The following CORO1C variants were observed in gnomAD, a reference collection of about 807,000 sequenced individuals.
CORO1C encodes coronin-1C.
A neutral mutation model predicts 51.2 loss-of-function variants in CORO1C; 14 were observed. The ratio of observed to expected loss-of-function variants is 0.27; its 90% confidence interval spans 0.18 to 0.43. The LOEUF (loss-of-function observed/expected upper bound fraction) is 0.43. CORO1C is among the 20% of genes least tolerant of loss of function. The pLI is 1.00. For missense variants in CORO1C, 417 were observed against 607.8 expected, an observed-to-expected ratio of 0.69 and a Z score of 3.30; for synonymous variants, 181 against 210.5, an observed-to-expected ratio of 0.86 and a Z score of 1.21.
At chr12:108,659,039 A>ATCTT in intron 4 of CORO1C, 120 bp from the exon 5 acceptor site, 2 of 1,053,606 alleles carry the variant, frequency 1.9e-6, no homozygotes, top group South Asian at 5.7e-5. Context: ...AGAGAGAAAG[A>ATCTT]GAGAGAGAGA....
Position 108,693,088 on chromosome 12 carries a change from G to A in CORO1C, c.195+8036C>T, listed in dbSNP as rs140304744. ...GCTGGAATTACAAGCTTGAGCCACC[G>A]CGCCCGGCTAAACCACAGATTCTAT... is the stretch of plus-strand genomic sequence containing the variant. On this transcript the variant is annotated intron_variant, in intron 2 of 10. Coordinates refer to ENST00000261401, the MANE Select transcript of CORO1C (RefSeq NM_014325.4). Among the ~76,000 whole-genome samples the A allele has an allele frequency of 5.9e-5, 9 of 151,982 alleles. No individual in the cohort carries two copies. The East Asian group carries it at 1.7e-3, about 29-fold the overall frequency.
At chr12:108,697,393 G>A (rs887924282) in intron 2 of CORO1C, among the ~76,000 whole-genome samples, 2 of 152,172 alleles carry the variant, frequency 1.3e-5, no homozygotes, top group African/African-American at 2.4e-5. Context: ...TTTAAGGTTC[G>A]TGTTTAAAAT....
At chr12:108,717,257 T>A (rs1297837319) in intron 1 of CORO1C, among the ~76,000 whole-genome samples, 1 of 152,230 alleles carries the variant, frequency 6.6e-6, no homozygotes, top group Non-Finnish European at 1.5e-5. Context: ...TCTGGACTAC[T>A]TAGCCCACAG....
At chr12:108,655,560 T>C (rs2032921081) in intron 6 of CORO1C, among the ~76,000 whole-genome samples, 1 of 152,262 alleles carries the variant, frequency 6.6e-6, no homozygotes, top group Non-Finnish European at 1.5e-5. Context: ...TCGTATTTTT[T>C]TGGTGGAGAC....
chr12:108,660,175 G>A (rs896800253), intron 4 of CORO1C, among the ~76,000 whole-genome samples: 1 of 152,146 alleles, frequency 6.6e-6, no homozygotes, highest in Non-Finnish European at 1.5e-5. Context: ...AAACTGGCCG[G>A]GCACGGTGGC....
chr12:108,656,963 GT>G (rs1453360372), intron 6 of CORO1C, among the ~76,000 whole-genome samples: 1 of 152,080 alleles, frequency 6.6e-6, no homozygotes, highest in Non-Finnish European at 1.5e-5. Flanking sequence ...TTGTTCACTT[GT>G]TTAACTGCTG....
chr12:108,693,481 C>T (rs2034566911), intron 2 of CORO1C, among the ~76,000 whole-genome samples: 1 of 152,160 alleles, frequency 6.6e-6, no homozygotes, highest in Non-Finnish European at 1.5e-5. Context: ...TAAAACAGTG[C>T]TTATTCTAGT....
At chr12:108,706,198 AAAAAAAC>A (rs2136870689) in intron 1 of CORO1C, among the ~76,000 whole-genome samples, 1 of 151,072 alleles carries the variant, frequency 6.6e-6, no homozygotes, top group East Asian at 1.9e-4. Context: ...AAAAAAAACA[AAAAAAAC>A]AAAAAAAAAG....
Position 108,670,256 on chromosome 12 carries a change from G to C in CORO1C, c.318+8016C>G, listed in dbSNP as rs115801712. ...GGGTGTGTGTGGGAAGGGACAGCAA[G>C]GGGACACCTGACAGACCTGAGGGCA... On this transcript the variant is annotated intron_variant, in intron 3 of 10. Transcript: ENST00000261401. Among the ~76,000 whole-genome samples the C allele has an allele frequency of 5.4e-3, 824 of 152,324 alleles. 6 individuals are homozygous for C. Among genetic ancestry groups the C allele is most frequent in the African/African-American group, 0.019 (797 of 41,574 alleles).
At chr12:108,651,788 A>T (rs1434137318) in intron 8 of CORO1C, among the ~76,000 whole-genome samples, 1 of 152,236 alleles carries the variant, frequency 6.6e-6, no homozygotes, top group Non-Finnish European at 1.5e-5. Context: ...AGTACACACA[A>T]GGATAGAAAG....
intron 1 of CORO1C, among the ~76,000 whole-genome samples, chr12:108,727,452 G>A (rs1016512022): frequency 1.3e-5 from 2 of 152,164 alleles, no homozygotes; most frequent in African/African-American, 2.4e-5. Context: ...ATTGGAAGGG[G>A]AATAGTGAGA....
chr12:108,675,138 C>CA (rs2033860594), intron 3 of CORO1C, among the ~76,000 whole-genome samples: 2 of 151,956 alleles, frequency 1.3e-5, no homozygotes, highest in Non-Finnish European at 2.9e-5. Flanking sequence ...CCCTCCACAG[C>CA]AAAAAGATTA....
intron 2 of CORO1C, among the ~76,000 whole-genome samples, chr12:108,696,989 T>C (rs2034708972): frequency 6.6e-6 from 1 of 152,254 alleles, no homozygotes; most frequent in African/African-American, 2.4e-5. Flanking sequence ...TGCATATGTG[T>C]GTGTCTTTGT....
chr12:108,728,056 G>A (rs2035632003), intron 1 of CORO1C, among the ~76,000 whole-genome samples: 1 of 152,190 alleles, frequency 6.6e-6, no homozygotes, highest in Non-Finnish European at 1.5e-5. Context: ...AGTAACAAGT[G>A]TTGGCAAGAA....
At chr12:108,726,359 CAG>C (rs1211582543) in intron 1 of CORO1C, among the ~76,000 whole-genome samples, 9 of 150,356 alleles carry the variant, frequency 6.0e-5, no homozygotes, top group Admixed American at 5.3e-4. Flanking sequence ...GCAGAGCTTG[CAG>C]TGAGCTGAGA....
rs1283605916 is a variant in CORO1C at position 108,671,736 on chromosome 12, G to C, written c.318+6536C>G. 5.9e-5 allele frequency among the ~76,000 whole-genome samples: 9 copies of C among 152,210 alleles called. No individual in the cohort carries two copies. The East Asian group carries it at 1.7e-3, about 29-fold the overall frequency. Reference sequence around the variant, plus strand: ...GGAATAAGGTATTTAGTTACTCAAGGAAAAACTGTGAGTCAATAATTTTAT... The same window carrying C: ...GGAATAAGGTATTTAGTTACTCAAGCAAAAACTGTGAGTCAATAATTTTAT... On this transcript the variant is annotated intron_variant, in intron 3 of 10. Transcript: ENST00000261401.
chr12:108,675,959 C>G (rs1210192247), intron 3 of CORO1C, among the ~76,000 whole-genome samples: 2 of 152,150 alleles, frequency 1.3e-5, no homozygotes, highest in Non-Finnish European at 2.9e-5. Flanking sequence ...CAGCAAAATC[C>G]AGATGGTTGA....
chr12:108,699,439 G>T (rs571519877), intron 2 of CORO1C, among the ~76,000 whole-genome samples: 1 of 151,744 alleles, frequency 6.6e-6, no homozygotes, highest in East Asian at 1.9e-4. Context: ...TTTCTTTGAA[G>T]GAAAAAAAAA....
chr12:108,697,418 A>G (rs1332472210), intron 2 of CORO1C, among the ~76,000 whole-genome samples: 1 of 152,226 alleles, frequency 6.6e-6, no homozygotes, highest in African/African-American at 2.4e-5. Context: ...CCAGGCTGCT[A>G]TCAACATGTA....
Sources: allele counts gnomAD v4.1 joint callset (sites outside exome capture counted in the v4.1 genomes callset), GRCh38; gene constraint gnomAD v4.1.1; transcripts MANE v1.5; gene names NCBI Gene and HGNC (gene_info 2026-07-23, HGNC 2026-07-21).